FBLIM1: variants seen among roughly 807,000 people sequenced by gnomAD.
The protein encoded by FBLIM1 is filamin-binding LIM protein 1.
FBLIM1 carries 29 observed loss-of-function variants against 37.4 expected under a neutral mutation model. The observed-to-expected ratio is 0.77, with a 90% confidence interval of 0.58 to 1.06. FBLIM1 has a LOEUF of 1.06. Ranked by LOEUF, FBLIM1 falls within the 50% of genes least tolerant of loss-of-function variation. The pLI, the probability that FBLIM1 is intolerant of heterozygous loss-of-function variation, is 0.00. For missense variants in FBLIM1, 449 were observed against 505.6 expected, an observed-to-expected ratio of 0.89 and a Z score of 1.07; for synonymous variants, 193 against 199.0, an observed-to-expected ratio of 0.97 and a Z score of 0.25.
intron 7 of FBLIM1, among the ~76,000 whole-genome samples, chr1:15,775,730 G>A (rs1370646784): frequency 1.3e-5 from 2 of 152,112 alleles, no homozygotes; most frequent in East Asian, 1.9e-4. Context: ...CTATGGAGAC[G>A]TCATTGGATA....
Position 15,774,718 on chromosome 1 carries a change from C to A in FBLIM1, c.812C>A (p.Thr271Asn). 1 of 1,614,136 alleles carries A rather than the reference C, an allele frequency of 6.2e-7. No homozygotes were observed. Among genetic ancestry groups the A allele is most frequent in the South Asian group, 1.1e-5 (1 of 91,080 alleles). ...CACCCCTCCTGCTTCACGTGTGTGACCTGCGCCCGGTGCATTGGGGATGAG... is the reference window on the plus strand; with the variant it reads ...CACCCCTCCTGCTTCACGTGTGTGAACTGCGCCCGGTGCATTGGGGATGAG... ...AFHPSCFTCVTCARCIGDESF... is the reference protein window; with the variant it reads ...AFHPSCFTCVNCARCIGDESF... The change falls in exon 7 of 9, where the codon ACC (threonine) becomes AAC (asparagine). Residue 271 changes from threonine (T) to asparagine (N), a missense_variant. Transcript: ENST00000375766.
At chr1:15,770,643 A>G (rs1189423379) in intron 6 of FBLIM1, 65 bp downstream of exon 6, 1 of 1,554,054 alleles carries the variant, frequency 6.4e-7, no homozygotes, top group African/African-American at 1.4e-5. Flanking sequence ...ATGTTGCACC[A>G]TTTCATTCCC....
At chr1:15,777,386 ACT>A in intron 8 of FBLIM1, 99 bp downstream of exon 8, 1 of 721,998 alleles carries the variant, frequency 1.4e-6, no homozygotes, top group Admixed American at 2.7e-5. Context: ...TGGGGGCTGT[ACT>A]CTCAAATTGC....
intron 1 of FBLIM1, among the ~76,000 whole-genome samples, chr1:15,763,159 C>T (rs2068755013): frequency 6.6e-6 from 1 of 151,854 alleles, no homozygotes; most frequent in African/African-American, 2.4e-5. Context: ...ACCTCCACTC[C>T]CACGGGTTCA....
At chr1:15,761,168 C>A (rs911967822) in intron 1 of FBLIM1, among the ~76,000 whole-genome samples, 1 of 152,134 alleles carries the variant, frequency 6.6e-6, no homozygotes, top group African/African-American at 2.4e-5. Flanking sequence ...CCACAGCAGC[C>A]CCTGGGGACC....
intron 6 of FBLIM1, among the ~76,000 whole-genome samples, chr1:15,771,205 T>C (rs2069188456): frequency 6.7e-6 from 1 of 150,032 alleles, no homozygotes. Context: ...CCCAAAGTGC[T>C]GGGATTACAG....
At position 15,770,476 on chromosome 1, in the gene FBLIM1, G is replaced by C. The variant is rs745432550; in HGVS notation, c.609G>C (p.Gln203His). The change falls in exon 6 of 9, where the codon CAG (glutamine) becomes CAC (histidine). Residue 203 changes from glutamine to histidine, a missense_variant. Physicochemically the swap from Gln to His is conservative, Grantham distance 24. Coordinates refer to ENST00000375766, the MANE Select transcript of FBLIM1 (RefSeq NM_017556.4). ...RELAVEAMKR[Q>H]YHAQCFTCRT... Reference sequence around the variant, plus strand: ...TGGCTGTGGAGGCCATGAAGAGGCAGTACCATGCCCAGTGCTTCACGTGCC... The same window carrying C: ...TGGCTGTGGAGGCCATGAAGAGGCACTACCATGCCCAGTGCTTCACGTGCC... 3.1e-6 allele frequency: 5 copies of C among 1,613,488 alleles called. No homozygotes were observed. The highest frequency in any genetic ancestry group is 3.4e-6 in the Non-Finnish European group (4 of 1,179,722).
At chr1:15,769,925 G>A (rs1270763796) in intron 5 of FBLIM1, among the ~76,000 whole-genome samples, 1 of 151,714 alleles carries the variant, frequency 6.6e-6, no homozygotes, top group Non-Finnish European at 1.5e-5. Flanking sequence ...GAGCCACCGC[G>A]CCGGGCTCTT....
intron 1 of FBLIM1, among the ~76,000 whole-genome samples, chr1:15,762,669 C>A (rs888917967): frequency 6.6e-6 from 1 of 152,218 alleles, no homozygotes; most frequent in Admixed American, 6.5e-5. Context: ...TGATTACAGG[C>A]GTGAGCCATC....
chr1:15,768,594 C>A lies in FBLIM1; in HGVS notation c.505C>A (p.Pro169Thr), dbSNP rs1252586433. Residue 169 changes from proline (P) to threonine (T), a missense_variant, in exon 5 of 9, where the codon CCC becomes ACC. Physicochemically the swap from Pro to Thr is conservative, Grantham distance 38 (BLOSUM62 -1). Transcript: ENST00000375766. Reference sequence around the variant, plus strand: ...GCCCATGGAGGAAGAGCTGCCACCTCCCCCGGCAGAACCTGTTGAGAAAGG... The same window carrying A: ...GCCCATGGAGGAAGAGCTGCCACCTACCCCGGCAGAACCTGTTGAGAAAGG... ...LRPMEEELPP[P>T]PAEPVEKGAS... 1.2e-6 allele frequency: 2 copies of A among 1,611,722 alleles called. No homozygotes were observed. The highest frequency in any genetic ancestry group is 1.7e-6 in the Non-Finnish European group (2 of 1,179,440).
chr1:15,769,483 A>C (rs1036695876), intron 5 of FBLIM1, among the ~76,000 whole-genome samples: 1 of 151,508 alleles, frequency 6.6e-6, no homozygotes, highest in Non-Finnish European at 1.5e-5. Flanking sequence ...TCTCAAAAAA[A>C]TAAAAAAATA....
At chr1:15,776,722 C>T (rs1044437877) in intron 7 of FBLIM1, among the ~76,000 whole-genome samples, 17 of 151,752 alleles carry the variant, frequency 1.1e-4, no homozygotes, top group Non-Finnish European at 2.5e-4. Context: ...ATTAGCTGGG[C>T]GTGGTGGTGC....
At chr1:15,769,501 A>G (rs1050160327) in intron 5 of FBLIM1, among the ~76,000 whole-genome samples, 1 of 151,684 alleles carries the variant, frequency 6.6e-6, no homozygotes, top group Non-Finnish European at 1.5e-5. Context: ...ATAAAATAAA[A>G]TAAATAAACA....
intron 5 of FBLIM1, among the ~76,000 whole-genome samples, chr1:15,768,906 T>C (rs1201416005): frequency 2.6e-5 from 4 of 152,208 alleles, no homozygotes; most frequent in Admixed American, 6.5e-5. Flanking sequence ...GAACACCTAA[T>C]GCCCTCACAC....
chr1:15,781,319 C>CT (rs1042138307), intron 8 of FBLIM1, among the ~76,000 whole-genome samples: 16 of 151,988 alleles, frequency 1.1e-4, no homozygotes, highest in Non-Finnish European at 1.9e-4. Flanking sequence ...GATTGCACCA[C>CT]TGCACTCCAG....
chr1:15,783,896 A>G (rs1456011233), intron 8 of FBLIM1, among the ~76,000 whole-genome samples: 1 of 152,170 alleles, frequency 6.6e-6, no homozygotes, highest in African/African-American at 2.4e-5. Context: ...TTTATGTTCT[A>G]AAGGGGTTAT....
intron 7 of FBLIM1, chr1:15,776,961 A>T: frequency 1.8e-6 from 1 of 548,000 alleles, no homozygotes. Flanking sequence ...CAATTCAGAC[A>T]ATCTCCAGTG....
chr1:15,772,760 C>T (rs535494412), intron 6 of FBLIM1, among the ~76,000 whole-genome samples: 1 of 152,116 alleles, frequency 6.6e-6, no homozygotes, highest in African/African-American at 2.4e-5. Flanking sequence ...TCAAGACGAG[C>T]CTGGGCAACA....
intron 8 of FBLIM1, among the ~76,000 whole-genome samples, chr1:15,778,677 G>A (rs986395728): frequency 1.8e-4 from 27 of 151,616 alleles, no homozygotes; most frequent in African/African-American, 6.0e-4. Context: ...TTTCACTCGC[G>A]TTACCCAGGC....
Sources: gnomAD v4.1 joint callset for allele counts (sites outside exome capture counted in the v4.1 genomes callset) on GRCh38, gnomAD v4.1.1 for gene constraint, MANE v1.5 for transcripts, NCBI Gene and HGNC (gene_info 2026-07-23, HGNC 2026-07-21) for gene names.